The following NBR1 variants were observed in gnomAD, a reference collection of about 807,000 sequenced individuals.
NBR1 encodes the protein next to BRCA1 gene 1 protein.
NBR1 carries 59 observed loss-of-function variants against 115.5 expected under a neutral mutation model. The ratio of observed to expected loss-of-function variants is 0.51; its 90% confidence interval spans 0.41 to 0.63. The LOEUF (loss-of-function observed/expected upper bound fraction) is 0.63, where lower values mean the gene tolerates loss of function less well. NBR1 is among the 30% of genes least tolerant of loss of function. The pLI is 0.00. For missense variants in NBR1, 1,043 were observed against 1,150.5 expected (o/e 0.91, Z 1.35); for synonymous variants, 373 against 414.7 (o/e 0.90, Z 1.22).
intron 16 of NBR1, among the ~76,000 whole-genome samples, chr17:43,198,834 G>A (rs1403518679): frequency 6.6e-6 from 1 of 150,822 alleles, no homozygotes; most frequent in Non-Finnish European, 1.5e-5. Flanking sequence ...GGTGGCGGGC[G>A]CACCTGTAAT....
chr17:43,188,935 T>C (rs1016469289), intron 6 of NBR1, 107 bp from the exon 7 acceptor site: 2 of 778,560 alleles, frequency 2.6e-6, no homozygotes, highest in African/African-American at 1.8e-5. Context: ...TAAAAAATTA[T>C]ATACTTGTAT....
chr17:43,189,247 C>A, intron 7 of NBR1, 128 bp downstream of exon 7: 1 of 729,822 alleles, frequency 1.4e-6, no homozygotes, highest in South Asian at 1.5e-5. Context: ...TTATAATTTC[C>A]AAACTTAGAA....
chr17:43,175,738 G>T, intron 1 of NBR1, 53 bp from the exon 2 acceptor site: 1 of 829,088 alleles, frequency 1.2e-6, no homozygotes, highest in South Asian at 1.7e-5. Flanking sequence ...GCAACTTATA[G>T]AACCCTTTCT....
intron 4 of NBR1, among the ~76,000 whole-genome samples, 156 bp downstream of exon 4, chr17:43,179,568 G>A (rs1268866844): frequency 2.6e-5 from 4 of 152,118 alleles, no homozygotes; most frequent in Non-Finnish European, 2.9e-5. Context: ...TTGTATAGCA[G>A]TTTTTTATAT....
intron 6 of NBR1, among the ~76,000 whole-genome samples, chr17:43,188,821 G>T (rs903721074): frequency 3.3e-5 from 5 of 152,116 alleles, no homozygotes; most frequent in East Asian, 3.8e-4. Context: ...GAATTAGTGT[G>T]CTCCTCTCTC....
At position 43,193,075 on chromosome 17, in the gene NBR1, C is replaced by T. The variant is rs1383072816; in HGVS notation, c.1074-19C>T. On this transcript the variant is annotated intron_variant, in intron 10 of 20. Transcript: ENST00000590996. Reference sequence around the variant, plus strand: ...TCACACCCAACAGCAAGTGACTAAGCATCTGAATTTCTGTTCAGGCTCCCT... The same window carrying T: ...TCACACCCAACAGCAAGTGACTAAGTATCTGAATTTCTGTTCAGGCTCCCT... 1 of 1,610,678 alleles carries T rather than the reference C, an allele frequency of 6.2e-7. No homozygotes were observed. The highest frequency in any genetic ancestry group is 8.5e-7 in the Non-Finnish European group (1 of 1,177,880).
intron 18 of NBR1, 55 bp from the exon 19 acceptor site, chr17:43,202,600 G>C: frequency 2.3e-6 from 3 of 1,304,600 alleles, no homozygotes; most frequent in Non-Finnish European, 3.2e-6. Flanking sequence ...TGTGAGTTAG[G>C]AAACAGTAGG....
Position 43,189,637 on chromosome 17 carries a change from T to G in NBR1, c.530T>G (p.Leu177Ter). 1 of 1,614,022 alleles carries G rather than the reference T, an allele frequency of 6.2e-7. No homozygotes were observed. The highest frequency in any genetic ancestry group is 8.5e-7 in the Non-Finnish European group (1 of 1,179,882). Reference sequence around the variant, plus strand: ...ACGGTTGAGAAGCTTGAACAGAAATTACATGAAAAGCTTGTCCTCCAGAAC... The same window carrying G: ...ACGGTTGAGAAGCTTGAACAGAAATGACATGAAAAGCTTGTCCTCCAGAAC... The part of the protein sequence containing the change: ...NETVEKLEQK[L>*]HEKLVLQNPS... The change falls in exon 8 of 21, where the codon TTA (leucine) becomes TGA (stop). Residue 177 changes from leucine (L) to a stop codon, truncating the protein, a stop_gained. Coordinates refer to ENST00000590996, the MANE Select transcript of NBR1 (RefSeq NM_005899.5). LOFTEE classifies it high-confidence loss of function.
intron 3 of NBR1, among the ~76,000 whole-genome samples, chr17:43,178,637 A>T (rs1293355942): frequency 6.6e-6 from 1 of 152,078 alleles, no homozygotes; most frequent in Non-Finnish European, 1.5e-5. Context: ...TCGGACTCCC[A>T]AAGTGCTGGG....
At position 43,210,343 on chromosome 17, in the gene NBR1, TAACTTC is replaced by T. The variant is rs1186611433; in HGVS notation, c.*277_*282del. 21 of 392,696 alleles carry T rather than the reference TAACTTC, an allele frequency of 5.3e-5. No individual in the cohort carries two copies. Among genetic ancestry groups the T allele is most frequent in the Middle Eastern group, 6.3e-4 (1 of 1,592 alleles). The allele number at this position is 392,696 out of a possible 1,614,324, so 24.3% of individuals were successfully genotyped here. A position where few individuals can be genotyped will look rare whatever the true frequency, so the allele number is the denominator to read the frequency against. On this transcript the variant is annotated 3_prime_UTR_variant, in exon 21 of 21. Coordinates refer to ENST00000590996, the MANE Select transcript of NBR1 (RefSeq NM_005899.5). The stretch of plus-strand genomic sequence containing the variant: ...AACTATTTTAGTGCATTGACAAGTG[TAACTTC>T]AACTTCATATAGAACCATTTTTCTT...
Position 43,189,775 on chromosome 17 carries a change from G to A in NBR1, c.668G>A (p.Arg223Lys). 1 of 1,613,858 alleles carries A rather than the reference G, an allele frequency of 6.2e-7. No individual in the cohort carries two copies. The highest frequency in any genetic ancestry group is 8.5e-7 in the Non-Finnish European group (1 of 1,179,870). The change falls in exon 8 of 21, where the codon AGG becomes AAG. Residue 223 changes from arginine to lysine, a missense_variant. Arg to Lys is a conservative substitution (Grantham distance 26). Transcript: ENST00000590996. The stretch of plus-strand genomic sequence containing the variant: ...ATTGCTTGCAACAACTGCCAAAGAA[G>A]GATTGTTGGTGTCCGCTACCAGTGT... ...WHIACNNCQR[R>K]IVGVRYQCSL... is the part of the protein sequence containing the mutation.
intron 5 of NBR1, among the ~76,000 whole-genome samples, chr17:43,185,605 G>A (rs1315398097): frequency 6.6e-6 from 1 of 152,188 alleles, no homozygotes; most frequent in Non-Finnish European, 1.5e-5. Context: ...GGAGGCTGAG[G>A]TGGGAAGATC....
intron 20 of NBR1, among the ~76,000 whole-genome samples, chr17:43,209,169 T>C (rs985061983): frequency 6.6e-6 from 1 of 151,758 alleles, no homozygotes; most frequent in African/African-American, 2.4e-5. Context: ...CTCCACCTCC[T>C]GGGTTCACGC....
intron 2 of NBR1, among the ~76,000 whole-genome samples, chr17:43,177,142 A>G (rs2056536002): frequency 6.6e-6 from 1 of 151,826 alleles, no homozygotes; most frequent in Non-Finnish European, 1.5e-5. Context: ...GCCTGGTAGC[A>G]GGCACCTGTG....
chr17:43,171,616 GA>G (rs1353750529), intron 1 of NBR1, among the ~76,000 whole-genome samples: 4 of 152,186 alleles, frequency 2.6e-5, no homozygotes, highest in Non-Finnish European at 5.9e-5. Flanking sequence ...ACTGTCTTGG[GA>G]ACATGGAGTG....
chr17:43,196,320 A>C (rs943301636), intron 14 of NBR1, among the ~76,000 whole-genome samples, 161 bp from the exon 15 acceptor site: 1 of 152,088 alleles, frequency 6.6e-6, no homozygotes, highest in African/African-American at 2.4e-5. Flanking sequence ...TTGCTTACTT[A>C]TTGGTCTGGA....
chr17:43,194,498 A>G lies in NBR1; in HGVS notation c.1673A>G (p.Gln558Arg), dbSNP rs989301658. ...YIPSVDLLTA[Q>R]DLLSFELLDI... ...CCATCTGTGGATCTTCTGACTGCCC[A>G]GGTGGAAGATTCAGCACTTTGAAGG... Residue 558 changes from glutamine (Q) to arginine (R), a missense_variant and splice_region_variant, in exon 13 of 21, where the codon CAG (glutamine) becomes CGG (arginine). Transcript: ENST00000590996. 1 of 1,613,756 alleles carries G rather than the reference A, an allele frequency of 6.2e-7. No homozygotes were observed. Among genetic ancestry groups the G allele is most frequent in the Non-Finnish European group, 8.5e-7 (1 of 1,179,818 alleles).
Position 43,188,131 on chromosome 17 carries a change from C to G in NBR1, c.403-911C>G, listed in dbSNP as rs1007928421. Among the ~76,000 whole-genome samples the G allele has an allele frequency of 4.0e-5, 6 of 151,770 alleles. No homozygotes were observed. In the South Asian group the frequency reaches 1.2e-3, roughly 32 times the overall value. ...GGTCTTGATCTCCTGACCTCGTGGT[C>G]CACCCGCCTCAGCCTCCCAAAGTGC... On this transcript the variant is annotated intron_variant, in intron 6 of 20. Transcript: ENST00000590996.
chr17:43,178,697 A>G (rs1486699196), intron 3 of NBR1, among the ~76,000 whole-genome samples: 1 of 151,836 alleles, frequency 6.6e-6, no homozygotes, highest in Non-Finnish European at 1.5e-5. Context: ...TTAAAATTAT[A>G]TAGTGACCTT....
Sources: gnomAD v4.1 joint callset for allele counts (sites outside exome capture counted in the v4.1 genomes callset) on GRCh38, gnomAD v4.1.1 for gene constraint, MANE v1.5 for transcripts, NCBI Gene and HGNC (gene_info 2026-07-23, HGNC 2026-07-21) for gene names.